The following DLGAP3 variants were observed in gnomAD, a reference collection of about 807,000 sequenced individuals.
The protein encoded by DLGAP3 is disks large-associated protein 3.
A neutral mutation model predicts 81.2 loss-of-function variants in DLGAP3; 17 were observed. The observed-to-expected ratio is 0.21, with a 90% CI of 0.14 to 0.31. The LOEUF (loss-of-function observed/expected upper bound fraction) is 0.31, where lower values mean the gene tolerates loss of function less well. DLGAP3 is among the 10% of genes least tolerant of loss of function. The probability of loss-of-function intolerance (pLI) is 1.00; values close to 1 mark genes in which losing one functional copy is unlikely to be tolerated. For synonymous variants in DLGAP3, 577 were observed against 587.4 expected (o/e 0.98, Z 0.26); for missense variants, 1,124 against 1,388.0 (o/e 0.81, Z 3.02).
intron 1 of DLGAP3, among the ~76,000 whole-genome samples, chr1:34,909,119 T>A (rs1639602330): frequency 6.6e-6 from 1 of 152,238 alleles, no homozygotes. Flanking sequence ...CATGGTGACA[T>A]CAAGCTAGAG....
At position 34,900,044 on chromosome 1, in the gene DLGAP3, C is replaced by A. The variant is rs767368459; in HGVS notation, c.1313+24G>T. ...CCAGCATCAGCCTCCTGACCCCGCA[C>A]CCCCCGGCCCTCCCTGTCCTTACTT... is the stretch of plus-strand genomic sequence containing the variant. On this transcript the variant is annotated intron_variant, in intron 4 of 11. Coordinates refer to ENST00000373347, the MANE Select transcript of DLGAP3 (RefSeq NM_001080418.3). This position sits in a 1 kb window ranked among gnomAD's most constrained non-coding sequence, Gnocchi z 5.6. 5 of 1,595,482 alleles carry A rather than the reference C, an allele frequency of 3.1e-6. No homozygotes were observed. Among genetic ancestry groups the A allele is most frequent in the East Asian group, 2.2e-5 (1 of 44,788 alleles).
At chr1:34,888,683 G>A (rs113415817) in intron 5 of DLGAP3, among the ~76,000 whole-genome samples, 12 of 152,266 alleles carry the variant, frequency 7.9e-5, no homozygotes, top group African/African-American at 2.4e-4. Flanking sequence ...CCAAGACCCC[G>A]CAGAAGTTAA....
At chr1:34,870,059 C>T (rs1057018050) in intron 8 of DLGAP3, among the ~76,000 whole-genome samples, 1 of 152,166 alleles carries the variant, frequency 6.6e-6, no homozygotes, top group African/African-American at 2.4e-5. Flanking sequence ...CAGCCCAGAG[C>T]CTGGCCAGAC....
At chr1:34,926,524 C>T (rs1220471497) in intron 1 of DLGAP3, among the ~76,000 whole-genome samples, 1 of 152,100 alleles carries the variant, frequency 6.6e-6, no homozygotes, top group Non-Finnish European at 1.5e-5. Flanking sequence ...TCTTCCAACC[C>T]CCACTGAGTG....
chr1:34,887,427 G>A (rs903121382), intron 5 of DLGAP3, among the ~76,000 whole-genome samples: 1 of 151,766 alleles, frequency 6.6e-6, no homozygotes, highest in Non-Finnish European at 1.5e-5. Context: ...AAAAGTTAAA[G>A]TATGAAAAAA....
rs758549052 is a variant in DLGAP3 at position 34,905,366 on chromosome 1, G to A, written c.18C>T (p.Gly6=). 5.5e-5 allele frequency: 85 copies of A among 1,554,424 alleles called. No homozygotes were observed. The highest frequency in any genetic ancestry group is 3.9e-4 in the South Asian group (33 of 84,330). The change falls in exon 3 of 12, where the codon GGC becomes GGT. Residue 6 remains glycine, a synonymous_variant. Transcript: ENST00000373347. ...CTGGGCGGGGATGGCTGCCTCGGTCGCCATGGTAACCCCTCATGGCCTCAG... is the reference window on the plus strand; with the variant it reads ...CTGGGCGGGGATGGCTGCCTCGGTCACCATGGTAACCCCTCATGGCCTCAG... MRGYH[G]DRGSHPRPAR...
Position 34,868,919 on chromosome 1 carries a change from G to T in DLGAP3, c.2171C>A (p.Thr724Asn). ...SEPQPGPRAPTYSVFRTVHTQ... is the reference protein window; with the variant it reads ...SEPQPGPRAPNYSVFRTVHTQ... The stretch of plus-strand genomic sequence containing the variant: ...GTGGACCGTGCGGAAGACTGAGTAG[G>T]TGGGGGCCCGGGGCCCAGGCTGGGG... The change falls in exon 9 of 12, where the codon ACC becomes AAC. Residue 724 changes from threonine to asparagine, a missense_variant. By Grantham distance (65) the Thr-to-Asn change is moderately conservative (BLOSUM62 0). Coordinates refer to ENST00000373347, the MANE Select transcript of DLGAP3 (RefSeq NM_001080418.3). The surrounding 1 kb of genome is among the most constrained non-coding windows in gnomAD (Gnocchi z 7.5). 2 of 1,608,634 alleles carry T rather than the reference G, an allele frequency of 1.2e-6. No homozygotes were observed.
chr1:34,904,133 C>A lies in DLGAP3; in HGVS notation c.1107+144G>T. 1.0e-6 allele frequency: 1 copy of A among 976,906 alleles called. No homozygotes were observed. Among genetic ancestry groups the A allele is most frequent in the Non-Finnish European group, 1.6e-6 (1 of 625,046 alleles). The allele number at this position is 976,906 out of a possible 1,614,324, so 60.5% of individuals were successfully genotyped here. ...AGCCCCAAAGGAGCTCAGAGTGACCCAATGGGGCAGGGCAGAGCCTCCCTA... is the reference window on the plus strand; with the variant it reads ...AGCCCCAAAGGAGCTCAGAGTGACCAAATGGGGCAGGGCAGAGCCTCCCTA... On this transcript the variant is annotated intron_variant, in intron 3 of 11. Coordinates refer to ENST00000373347, the MANE Select transcript of DLGAP3 (RefSeq NM_001080418.3). The surrounding 1 kb of genome is among the most constrained non-coding windows in gnomAD (Gnocchi z 8.1).
At chr1:34,881,291 T>G (rs1259139555) in intron 8 of DLGAP3, among the ~76,000 whole-genome samples, 2 of 152,194 alleles carry the variant, frequency 1.3e-5, no homozygotes, top group Non-Finnish European at 2.9e-5. Context: ...GAACCCTGAT[T>G]CTTAGCTATG....
rs372141732 is a variant in DLGAP3, at chr1:34,904,508, T to C, written c.876A>G (p.Pro292=). The C allele has an allele frequency of 4.3e-6, 7 of 1,614,102 alleles. No homozygotes were observed. The African/African-American group carries it at 9.3e-5, about 22-fold the overall frequency. The change falls in exon 3 of 12, where the codon CCA becomes CCG. Residue 292 remains proline, a synonymous_variant. Coordinates refer to ENST00000373347, the MANE Select transcript of DLGAP3 (RefSeq NM_001080418.3). The surrounding 1 kb of genome is among the most constrained non-coding windows in gnomAD (Gnocchi z 8.1). The part of the protein sequence containing the change: ...EPGGPFCLEG[P]DGSYRDLSFK... ...AGCTCAAGTCCCGGTAGGACCCATC[T>C]GGACCCTCCAGGCAGAAGGGACCAC...
At chr1:34,894,054 G>A (rs929604481) in intron 5 of DLGAP3, among the ~76,000 whole-genome samples, 1 of 152,110 alleles carries the variant, frequency 6.6e-6, no homozygotes, top group Non-Finnish European at 1.5e-5. Context: ...CAGGCATGGT[G>A]GTATGTGTCT....
Position 34,885,706 on chromosome 1 carries a change from G to T in DLGAP3, c.1686C>A (p.Thr562=), listed in dbSNP as rs376280827. 605 of 1,411,314 alleles carry T rather than the reference G, an allele frequency of 4.3e-4. 4 individuals carry two copies. The highest frequency in any genetic ancestry group is 1.0e-3 in the African/African-American group (67 of 66,126). 87.4% of individuals were successfully genotyped at this position (1,411,314 alleles called of 1,614,324 possible). The change falls in exon 7 of 12, where the codon ACC becomes ACA. Residue 562 remains threonine, a synonymous_variant. Coordinates refer to ENST00000373347, the MANE Select transcript of DLGAP3 (RefSeq NM_001080418.3). ...CCGTGAAGCTCTCGTGCGCGGAGTCGGTGCTGCTCTGGGCGGTGATGGAGA... is the reference window on the plus strand; with the variant it reads ...CCGTGAAGCTCTCGTGCGCGGAGTCTGTGCTGCTCTGGGCGGTGATGGAGA... ...PRISITAQSS[T]DSAHESFTAA...
chr1:34,865,953 G>C lies in DLGAP3; in HGVS notation c.*130C>G. On this transcript the variant is annotated 3_prime_UTR_variant, in exon 12 of 12. Transcript: ENST00000373347. ...AAACCCACGAGAGTGTGACGGGCCC[G>C]GGGGCCGGGGCGTCCGGTGCCGGTG... The C allele has an allele frequency of 1.2e-6, 1 of 812,088 alleles. No homozygotes were observed. Among genetic ancestry groups the C allele is most frequent in the Non-Finnish European group, 1.9e-6 (1 of 513,590 alleles). The allele number at this position is 812,088 out of a possible 1,614,324, so 50.3% of individuals were successfully genotyped here.
intron 8 of DLGAP3, among the ~76,000 whole-genome samples, chr1:34,870,831 G>A (rs753067405): frequency 5.3e-5 from 8 of 152,196 alleles, no homozygotes; most frequent in Admixed American, 1.3e-4. Context: ...GGAAGAGCAC[G>A]GGGCCAGGAG....
Position 34,873,356 on chromosome 1 carries a change from A to T in DLGAP3, c.2001-4267T>A, listed in dbSNP as rs1639006844. The stretch of plus-strand genomic sequence containing the variant: ...GGGAGTAGGGGAAGGAATGAAAATG[A>T]GCAGCTTTGGGTGGGGGCAGCGGAA... On this transcript the variant is annotated intron_variant, in intron 8 of 11. Coordinates refer to ENST00000373347, the MANE Select transcript of DLGAP3 (RefSeq NM_001080418.3). The surrounding 1 kb of genome is among the most constrained non-coding windows in gnomAD (Gnocchi z 4.2). Among the ~76,000 whole-genome samples, 1 of 152,164 alleles carries T rather than the reference A, an allele frequency of 6.6e-6. No individual in the cohort carries two copies. The highest frequency in any genetic ancestry group is 1.5e-5 in the Non-Finnish European group (1 of 68,038).
chr1:34,874,329 G>A (rs144893629), intron 8 of DLGAP3, among the ~76,000 whole-genome samples: 227 of 152,254 alleles, frequency 1.5e-3, no homozygotes, highest in Non-Finnish European at 2.6e-3. Flanking sequence ...GTTGTTTGGG[G>A]GGTTTTCTAT....
chr1:34,875,052 G>C (rs1023426439), intron 8 of DLGAP3, among the ~76,000 whole-genome samples: 2 of 152,112 alleles, frequency 1.3e-5, no homozygotes, highest in Non-Finnish European at 2.9e-5. Context: ...GTCAGAAACC[G>C]TCCTAAATTT....
chr1:34,907,601 G>A (rs898266546), intron 1 of DLGAP3, among the ~76,000 whole-genome samples, 164 bp from the exon 2 acceptor site: 2 of 152,178 alleles, frequency 1.3e-5, no homozygotes, highest in Non-Finnish European at 2.9e-5. Flanking sequence ...GGGAAATGAG[G>A]TTGGCTTCAT....
At chr1:34,892,280 T>G (rs1332142341) in intron 5 of DLGAP3, among the ~76,000 whole-genome samples, 1 of 152,170 alleles carries the variant, frequency 6.6e-6, no homozygotes, top group Non-Finnish European at 1.5e-5. Flanking sequence ...TGAAGATGGA[T>G]CTGTATAAAT....
Sources: allele counts gnomAD v4.1 joint callset (sites outside exome capture counted in the v4.1 genomes callset), GRCh38; gene constraint gnomAD v4.1.1; non-coding constraint Gnocchi (gnomAD v3.1); transcripts MANE v1.5; gene names NCBI Gene and HGNC (gene_info 2026-07-23, HGNC 2026-07-21).